PTPRD: variants seen among roughly 807,000 people sequenced by gnomAD.
The protein encoded by PTPRD is receptor-type tyrosine-protein phosphatase delta.
PTPRD carries 34 observed loss-of-function variants against 214.5 expected under a neutral mutation model. That is an observed-to-expected ratio of 0.16 (90% CI 0.12 to 0.21). The LOEUF is 0.21. Among genes scored for constraint, PTPRD ranks in the 10% least tolerant of loss-of-function variants. The pLI is 1.00. For missense variants in PTPRD, 2,545 were observed against 2,398.7 expected, an observed-to-expected ratio of 1.06 and a Z score of -1.27; for synonymous variants, 1,128 against 845.7, an observed-to-expected ratio of 1.33 and a Z score of -5.79.
At chr9:9,923,095 G>C (rs2083059796) in intron 5 of PTPRD, among the ~76,000 whole-genome samples, 1 of 145,474 alleles carries the variant, frequency 6.9e-6, no homozygotes, top group South Asian at 2.1e-4. Context: ...AAATGACTAA[G>C]GAAAAAAAAA....
intron 9 of PTPRD, among the ~76,000 whole-genome samples, chr9:9,192,755 G>A (rs1406173335): frequency 6.6e-6 from 1 of 151,896 alleles, no homozygotes. Context: ...TACAGATTTG[G>A]GAAAACTAAT....
intron 2 of PTPRD, among the ~76,000 whole-genome samples, chr9:10,493,961 T>C (rs2041207416): frequency 1.3e-5 from 2 of 151,996 alleles, no homozygotes; most frequent in Admixed American, 6.6e-5. Context: ...CCATATCTAT[T>C]TGACATACTG....
chr9:10,185,143 C>T (rs2099323784), intron 3 of PTPRD, among the ~76,000 whole-genome samples: 1 of 152,150 alleles, frequency 6.6e-6, no homozygotes, highest in Non-Finnish European at 1.5e-5. Context: ...TAAAGATGAT[C>T]TCACTGTTAA....
chr9:10,307,805 T>C (rs1053430543), intron 3 of PTPRD, among the ~76,000 whole-genome samples: 3 of 152,032 alleles, frequency 2.0e-5, no homozygotes, highest in African/African-American at 7.2e-5. Flanking sequence ...GTTGGCATTT[T>C]TTTAATGTTT....
intron 3 of PTPRD, among the ~76,000 whole-genome samples, chr9:10,061,321 A>G (rs1252140881): frequency 6.6e-6 from 1 of 152,078 alleles, no homozygotes; most frequent in Non-Finnish European, 1.5e-5. Context: ...CAGAAATAGA[A>G]TGGAAAGGAC....
At chr9:10,398,406 T>TAC (rs934288537) in intron 2 of PTPRD, among the ~76,000 whole-genome samples, 20 of 151,762 alleles carry the variant, frequency 1.3e-4, no homozygotes, top group African/African-American at 4.1e-4. Context: ...TATCTATATA[T>TAC]ATATTTGTAT....
intron 2 of PTPRD, among the ~76,000 whole-genome samples, chr9:10,593,193 C>A (rs1489813952): frequency 1.3e-5 from 2 of 151,862 alleles, no homozygotes; most frequent in Non-Finnish European, 2.9e-5. Flanking sequence ...CCTCTTAAAC[C>A]ATAATAGAAA....
intron 12 of PTPRD, among the ~76,000 whole-genome samples, chr9:8,648,273 G>A (rs1596027127): frequency 6.6e-6 from 1 of 152,164 alleles, no homozygotes; most frequent in South Asian, 2.1e-4. Flanking sequence ...AAACAGTCAT[G>A]GGATATTATG....
intron 2 of PTPRD, among the ~76,000 whole-genome samples, chr9:10,529,056 C>A (rs2055260409): frequency 6.6e-6 from 1 of 151,998 alleles, no homozygotes; most frequent in African/African-American, 2.4e-5. Context: ...TTTGTTCATG[C>A]TATAAAATAA....
At chr9:10,232,229 T>G (rs562610265) in intron 3 of PTPRD, among the ~76,000 whole-genome samples, 2 of 151,992 alleles carry the variant, frequency 1.3e-5, no homozygotes, top group South Asian at 4.1e-4. Context: ...TTTTCCTTTA[T>G]AAGTTTCTCC....
intron 8 of PTPRD, among the ~76,000 whole-genome samples, chr9:9,410,688 T>C (rs2075109162): frequency 6.6e-6 from 1 of 152,170 alleles, no homozygotes; most frequent in Non-Finnish European, 1.5e-5. Context: ...AAAGCAACCA[T>C]GATGCTGGTT....
At chr9:10,221,460 T>C (rs1473373178) in intron 3 of PTPRD, among the ~76,000 whole-genome samples, 1 of 152,014 alleles carries the variant, frequency 6.6e-6, no homozygotes, top group East Asian at 1.9e-4. Flanking sequence ...GTATTGTCAA[T>C]AAAAATGTAT....
At chr9:9,241,012 T>G (rs899416525) in intron 9 of PTPRD, among the ~76,000 whole-genome samples, 2 of 152,146 alleles carry the variant, frequency 1.3e-5, no homozygotes, top group Non-Finnish European at 2.9e-5. Flanking sequence ...AACTTTAAGA[T>G]TATACCATTG....
chr9:9,914,613 A>G (rs1352422816), intron 5 of PTPRD, among the ~76,000 whole-genome samples: 1 of 152,090 alleles, frequency 6.6e-6, no homozygotes, highest in Non-Finnish European at 1.5e-5. Flanking sequence ...GTACGTGTTT[A>G]CCGCGCCTGT....
rs930828109 is a variant in PTPRD, at chr9:9,593,624, A to G, written c.-286-18843T>C. On this transcript the variant is annotated intron_variant, in intron 7 of 45. Transcript: ENST00000381196. Reference sequence around the variant, plus strand: ...GAATGTGGAGGCAGCCCCACAGAGCACCATGAGAGCTTAGTGAATTTGCCC... The same window carrying G: ...GAATGTGGAGGCAGCCCCACAGAGCGCCATGAGAGCTTAGTGAATTTGCCC... Among the ~76,000 whole-genome samples the G allele has an allele frequency of 2.6e-5, 4 of 152,114 alleles. No homozygotes were observed. In the East Asian group the frequency reaches 7.8e-4, roughly 30 times the overall value.
chr9:9,465,428 T>C (rs1490510243), intron 8 of PTPRD, among the ~76,000 whole-genome samples: 6 of 152,180 alleles, frequency 3.9e-5, no homozygotes, highest in African/African-American at 1.4e-4. Flanking sequence ...TGCAAACTGA[T>C]TGTTTGAGTC....
intron 2 of PTPRD, among the ~76,000 whole-genome samples, chr9:10,493,326 T>A (rs1156248854): frequency 6.6e-6 from 1 of 152,096 alleles, no homozygotes; most frequent in Non-Finnish European, 1.5e-5. Flanking sequence ...GCTGGAGGCA[T>A]CACCCTACCT....
intron 14 of PTPRD, among the ~76,000 whole-genome samples, chr9:8,614,579 C>G (rs1419799629): frequency 2.6e-5 from 4 of 152,084 alleles, no homozygotes; most frequent in African/African-American, 4.8e-5. Context: ...TTATGTAGAG[C>G]CCTACAATGT....
intron 3 of PTPRD, among the ~76,000 whole-genome samples, chr9:10,133,223 G>A (rs932160112): frequency 6.6e-6 from 1 of 152,114 alleles, no homozygotes; most frequent in Non-Finnish European, 1.5e-5. Context: ...TATATGTCCA[G>A]GTGATACAGA....
Sources: gnomAD v4.1 joint callset for allele counts (sites outside exome capture counted in the v4.1 genomes callset) on GRCh38, gnomAD v4.1.1 for gene constraint, MANE v1.5 for transcripts, NCBI Gene and HGNC (gene_info 2026-07-23, HGNC 2026-07-21) for gene names.